PBX3: variants seen among roughly 807,000 people sequenced by gnomAD.
PBX3 encodes the protein PBX homeobox 3, also known as pre-B-cell leukemia transcription factor 3.
A neutral mutation model predicts 48.5 loss-of-function variants in PBX3; 14 were observed. That is an observed-to-expected ratio of 0.29 (90% CI 0.19 to 0.45). The LOEUF is 0.45. Ranked by LOEUF, PBX3 falls within the 20% of genes least tolerant of loss-of-function variation. The probability of loss-of-function intolerance (pLI) is 1.00; values close to 1 mark genes in which losing one functional copy is unlikely to be tolerated. For missense variants in PBX3, 386 were observed against 546.7 expected (o/e 0.71, Z 2.93); for synonymous variants, 210 against 200.3 (o/e 1.05, Z -0.41).
intron 2 of PBX3, among the ~76,000 whole-genome samples, chr9:125,822,366 A>T (rs1261656759): frequency 6.6e-6 from 1 of 152,168 alleles, no homozygotes; most frequent in Non-Finnish European, 1.5e-5. Flanking sequence ...TCTTACACGT[A>T]GCCATGGCAG....
chr9:125,776,447 T>A (rs1837072523), intron 2 of PBX3, among the ~76,000 whole-genome samples: 1 of 152,112 alleles, frequency 6.6e-6, no homozygotes, highest in Non-Finnish European at 1.5e-5. Flanking sequence ...TAGATAGGAG[T>A]TTGTTGAGGA....
At chr9:125,953,214 G>C (rs989872209) in intron 5 of PBX3, among the ~76,000 whole-genome samples, 6 of 152,072 alleles carry the variant, frequency 3.9e-5, no homozygotes, top group African/African-American at 1.4e-4. Context: ...GCATGGTGGG[G>C]CAGTAGGACT....
chr9:125,766,944 CATTT>C (rs1418756112), intron 2 of PBX3, among the ~76,000 whole-genome samples: 8 of 152,024 alleles, frequency 5.3e-5, no homozygotes, highest in Non-Finnish European at 1.2e-4. Flanking sequence ...AGTAAGGTAT[CATTT>C]ATTTAATTGC....
intron 2 of PBX3, among the ~76,000 whole-genome samples, chr9:125,899,353 T>A (rs568915897): frequency 0.023 from 2,118 of 92,340 alleles, 166 homozygotes; most frequent in African/African-American, 0.071. Flanking sequence ...GTATATATTT[T>A]TATATAAATA....
intron 2 of PBX3, among the ~76,000 whole-genome samples, chr9:125,849,166 T>G (rs1839509831): frequency 6.6e-6 from 1 of 151,952 alleles, no homozygotes; most frequent in Non-Finnish European, 1.5e-5. Flanking sequence ...TCCTTCTGAT[T>G]CCAAAGGGCT....
chr9:125,812,233 C>G (rs1838311282), intron 2 of PBX3, among the ~76,000 whole-genome samples: 1 of 152,136 alleles, frequency 6.6e-6, no homozygotes, highest in Non-Finnish European at 1.5e-5. Flanking sequence ...GGCCCTGCCT[C>G]TAAATATCAT....
At chr9:125,910,788 T>C (rs1036548495) in intron 2 of PBX3, among the ~76,000 whole-genome samples, 2 of 151,078 alleles carry the variant, frequency 1.3e-5, no homozygotes, top group Admixed American at 1.3e-4. Flanking sequence ...TCATAATCTT[T>C]TAAAAATTGG....
At chr9:125,775,954 AATTT>A (rs1837060437) in intron 2 of PBX3, among the ~76,000 whole-genome samples, 1 of 152,112 alleles carries the variant, frequency 6.6e-6, no homozygotes, top group South Asian at 2.1e-4. Context: ...TCCCTGGTTA[AATTT>A]ATTTGTTTAT....
chr9:125,779,245 C>CTT (rs34221799), intron 2 of PBX3, among the ~76,000 whole-genome samples: 7,419 of 127,744 alleles, frequency 0.058, 405 homozygotes, highest in East Asian at 0.16. Flanking sequence ...AACTTTGTTC[C>CTT]TTTTTTTTTT....
intron 2 of PBX3, among the ~76,000 whole-genome samples, chr9:125,905,194 A>C (rs1275382205): frequency 1.3e-5 from 2 of 151,952 alleles, no homozygotes; most frequent in African/African-American, 4.8e-5. Context: ...TGATTATGTT[A>C]TGGTGATTTT....
intron 2 of PBX3, among the ~76,000 whole-genome samples, chr9:125,861,886 T>G (rs1270482172): frequency 6.6e-6 from 1 of 152,140 alleles, no homozygotes; most frequent in African/African-American, 2.4e-5. Flanking sequence ...TGTTGGAAAA[T>G]GATTGTGATT....
chr9:125,844,935 G>C (rs191787326), intron 2 of PBX3: 1 of 152,090 alleles, frequency 6.6e-6, no homozygotes, highest in African/African-American at 2.4e-5. Context: ...GACTGTGACC[G>C]TCCTGGATCA....
intron 5 of PBX3, among the ~76,000 whole-genome samples, chr9:125,952,257 A>G (rs1322498666): frequency 6.6e-6 from 1 of 152,224 alleles, no homozygotes; most frequent in Non-Finnish European, 1.5e-5. Context: ...TTCAATAATG[A>G]TGTTTTAGTG....
intron 3 of PBX3, among the ~76,000 whole-genome samples, chr9:125,918,760 G>A (rs1270649469): frequency 6.6e-6 from 1 of 152,070 alleles, no homozygotes; most frequent in Non-Finnish European, 1.5e-5. Context: ...GTTGTCTTTG[G>A]GGCTGGCTTT....
At chr9:125,825,927 C>T (rs570400818) in intron 2 of PBX3, among the ~76,000 whole-genome samples, 2 of 152,264 alleles carry the variant, frequency 1.3e-5, no homozygotes, top group East Asian at 3.9e-4. Context: ...TGGGAACTTG[C>T]CTAGAATGTC....
chr9:125,779,113 C>G (rs1438239154), intron 2 of PBX3, among the ~76,000 whole-genome samples: 1 of 137,292 alleles, frequency 7.3e-6, no homozygotes, highest in Non-Finnish European at 1.5e-5. Context: ...CTCTAATCTG[C>G]TTTGTCTCTA....
At chr9:125,881,900 A>G (rs1403120383) in intron 2 of PBX3, among the ~76,000 whole-genome samples, 1 of 151,836 alleles carries the variant, frequency 6.6e-6, no homozygotes, top group South Asian at 2.1e-4. Flanking sequence ...ATCATTAAGT[A>G]TTTACTAAGG....
intron 2 of PBX3, among the ~76,000 whole-genome samples, chr9:125,889,346 T>G (rs769267487): frequency 6.6e-5 from 10 of 152,252 alleles, no homozygotes; most frequent in Non-Finnish European, 1.5e-4. Context: ...ACGGCTCGCT[T>G]GGCAGTGCAC....
intron 2 of PBX3, among the ~76,000 whole-genome samples, chr9:125,757,586 G>T (rs1431393138): frequency 6.6e-6 from 1 of 152,036 alleles, no homozygotes; most frequent in Non-Finnish European, 1.5e-5. Flanking sequence ...TTTTACACTG[G>T]ATCTTGGGTC....
Sources: allele counts gnomAD v4.1 joint callset (sites outside exome capture counted in the v4.1 genomes callset), GRCh38; gene constraint gnomAD v4.1.1; transcripts MANE v1.5; gene names NCBI Gene and HGNC (gene_info 2026-07-23, HGNC 2026-07-21).